SCMH1: variants seen among roughly 807,000 people sequenced by gnomAD.
SCMH1 encodes the protein Scm polycomb group protein homolog 1, also known as polycomb protein SCMH1.
Under a neutral mutation model 70.8 loss-of-function variants are expected in SCMH1, and 37 were observed. The observed-to-expected ratio is 0.52, with a 90% CI of 0.40 to 0.69. SCMH1 has a LOEUF of 0.69. SCMH1 is among the 30% of genes least tolerant of loss of function. The probability of loss-of-function intolerance (pLI) is 0.00; values close to 1 mark genes in which losing one functional copy is unlikely to be tolerated. For synonymous variants in SCMH1, 292 were observed against 307.4 expected (o/e 0.95, Z 0.52); for missense variants, 607 against 827.3 (o/e 0.73, Z 3.27).
chr1:41,044,535 C>A (rs1646663077), intron 12 of SCMH1, among the ~76,000 whole-genome samples: 1 of 152,008 alleles, frequency 6.6e-6, no homozygotes, highest in African/African-American at 2.4e-5. Flanking sequence ...CTTGTCTGGG[C>A]ATAGTTAAAG....
chr1:41,070,450 T>C, intron 10 of SCMH1, 145 bp downstream of exon 10: 1 of 1,119,326 alleles, frequency 8.9e-7, no homozygotes, highest in South Asian at 1.9e-5. Context: ...TCTGACATTA[T>C]TTCAAATGCC....
At chr1:41,028,652 C>T (rs1397538426) in exon 14 of SCMH1, 1 of 1,614,182 alleles carries the variant, frequency 6.2e-7, no homozygotes. Flanking sequence ...TGCATCACAT[C>T]CTCGACTGTC....
intron 8 of SCMH1, among the ~76,000 whole-genome samples, chr1:41,096,978 C>CT (rs1332982618): frequency 6.6e-6 from 1 of 152,152 alleles, no homozygotes; most frequent in Non-Finnish European, 1.5e-5. Flanking sequence ...CTCTGGGGCC[C>CT]TTCAGTTCTG....
At chr1:41,238,285 T>A (rs886747237) in intron 1 of SCMH1, among the ~76,000 whole-genome samples, 7 of 152,182 alleles carry the variant, frequency 4.6e-5, no homozygotes, top group South Asian at 4.1e-4. Context: ...TGTCATTAAG[T>A]ATTAGCAGAA....
exon 6 of SCMH1, chr1:41,142,896 T>C: frequency 1.2e-6 from 2 of 1,613,932 alleles, no homozygotes; most frequent in Non-Finnish European, 1.7e-6. Flanking sequence ...GGCTGTAGCA[T>C]ACCCCCATTC....
At chr1:41,072,360 T>A (rs1176164959) in intron 9 of SCMH1, among the ~76,000 whole-genome samples, 1 of 152,230 alleles carries the variant, frequency 6.6e-6, no homozygotes, top group Non-Finnish European at 1.5e-5. Context: ...CTGAATAATG[T>A]AAACCTATTT....
chr1:41,194,276 T>C (rs947231746), intron 1 of SCMH1, among the ~76,000 whole-genome samples: 4 of 152,224 alleles, frequency 2.6e-5, no homozygotes, highest in African/African-American at 7.2e-5. Context: ...CACAGCCTAA[T>C]AGAGGATAAC....
intron 9 of SCMH1, among the ~76,000 whole-genome samples, chr1:41,072,793 G>A (rs1209228385): frequency 2.6e-5 from 4 of 152,162 alleles, no homozygotes; most frequent in African/African-American, 9.7e-5. Flanking sequence ...TTGAGCCCAG[G>A]AGGTCAAGGC....
At chr1:41,129,608 G>A (rs1049906877) in intron 6 of SCMH1, among the ~76,000 whole-genome samples, 10 of 152,046 alleles carry the variant, frequency 6.6e-5, no homozygotes, top group South Asian at 2.1e-4. Flanking sequence ...CTGTGTGTGC[G>A]TATGTGTGAC....
At chr1:41,209,183 G>A (rs1406862767) in intron 1 of SCMH1, among the ~76,000 whole-genome samples, 2 of 152,172 alleles carry the variant, frequency 1.3e-5, no homozygotes, top group Non-Finnish European at 2.9e-5. Flanking sequence ...TTGAATCTCT[G>A]AATAGACCAA....
At chr1:41,185,687 G>A (rs1442481957) in intron 2 of SCMH1, among the ~76,000 whole-genome samples, 4 of 150,000 alleles carry the variant, frequency 2.7e-5, no homozygotes, top group Non-Finnish European at 4.4e-5. Flanking sequence ...CCAGGCTGGA[G>A]TGCAATGGTG....
In SCMH1 at chr1:41,064,733, C is replaced by T. The variant is rs183427667; in HGVS notation, c.1105+5862G>A. 7.8e-4 allele frequency among the ~76,000 whole-genome samples: 118 copies of T among 151,798 alleles called. No homozygotes were observed. The East Asian group carries it at 0.019, about 24-fold the overall frequency. Reference sequence around the variant, plus strand: ...TTCAAGACCAGCCTGGGCAACATGGCGAGAAACCATCTCTATAAAAAAAAT... The same window carrying T: ...TTCAAGACCAGCCTGGGCAACATGGTGAGAAACCATCTCTATAAAAAAAAT... On this transcript the variant is annotated intron_variant, in intron 10 of 14. Coordinates refer to ENST00000337495, the Ensembl canonical transcript of SCMH1.
chr1:41,112,492 A>T (rs913682640), intron 8 of SCMH1, among the ~76,000 whole-genome samples: 1 of 152,118 alleles, frequency 6.6e-6, no homozygotes, highest in Non-Finnish European at 1.5e-5. Flanking sequence ...TTAGTCTGTG[A>T]CACTATTCTA....
chr1:41,195,193 C>A (rs911894529), intron 1 of SCMH1, among the ~76,000 whole-genome samples: 1 of 148,936 alleles, frequency 6.7e-6, no homozygotes, highest in Non-Finnish European at 1.5e-5. Context: ...CTTACCAGGC[C>A]GTGTGGCCTC....
At chr1:41,176,594 G>A (rs965438008) in intron 2 of SCMH1, among the ~76,000 whole-genome samples, 2 of 152,222 alleles carry the variant, frequency 1.3e-5, no homozygotes, top group Admixed American at 6.5e-5. Flanking sequence ...CGGCACACCA[G>A]GAGATTATAT....
intron 5 of SCMH1, 34 bp from the exon 6 acceptor site, chr1:41,143,146 T>C (rs1216035416): frequency 2.6e-6 from 4 of 1,559,400 alleles, no homozygotes; most frequent in Non-Finnish European, 3.5e-6. Context: ...ATAGACAGAT[T>C]AAGAGTAAAA....
At chr1:41,088,837 G>A (rs1277319864) in intron 8 of SCMH1, among the ~76,000 whole-genome samples, 2 of 152,138 alleles carry the variant, frequency 1.3e-5, no homozygotes, top group East Asian at 3.9e-4. Flanking sequence ...TGTATTATAG[G>A]ATGTTGGCGG....
At chr1:41,157,727 A>C (rs1645670761) in intron 4 of SCMH1, among the ~76,000 whole-genome samples, 1 of 152,090 alleles carries the variant, frequency 6.6e-6, no homozygotes, top group Admixed American at 6.6e-5. Flanking sequence ...TGCCCATGTT[A>C]CTCACACTCA....
intron 5 of SCMH1, among the ~76,000 whole-genome samples, chr1:41,148,403 C>A (rs1311458440): frequency 6.6e-6 from 1 of 152,094 alleles, no homozygotes; most frequent in Non-Finnish European, 1.5e-5. Context: ...GCTTGATGAA[C>A]CTCCTTTAAC....
Sources: gnomAD v4.1 joint callset for allele counts (sites outside exome capture counted in the v4.1 genomes callset) on GRCh38, gnomAD v4.1.1 for gene constraint, MANE v1.5 for transcripts, NCBI Gene and HGNC (gene_info 2026-07-23, HGNC 2026-07-21) for gene names.